THSD7A: variants seen among roughly 807,000 people sequenced by gnomAD.
THSD7A encodes thrombospondin type-1 domain-containing protein 7A.
Under a neutral mutation model 231.3 loss-of-function variants are expected in THSD7A, and 96 were observed. The ratio of observed to expected loss-of-function variants is 0.41; its 90% CI spans 0.35 to 0.49. THSD7A has a LOEUF of 0.49. Ranked by LOEUF, THSD7A falls within the 20% of genes least tolerant of loss-of-function variation. The pLI is 0.05. For synonymous variants in THSD7A, 940 were observed against 743.3 expected, an observed-to-expected ratio of 1.26 and a Z score of -4.30; for missense variants, 2,290 against 2,070.2, an observed-to-expected ratio of 1.11 and a Z score of -2.06.
intron 12 of THSD7A, 76 bp downstream of exon 12, chr7:11,447,154 G>A (rs1583758565): frequency 1.4e-6 from 2 of 1,400,256 alleles, no homozygotes; most frequent in African/African-American, 1.4e-5. Context: ...TACACTGTCA[G>A]AATTCTCTCA....
At chr7:11,509,579 T>C (rs1787703811) in intron 6 of THSD7A, among the ~76,000 whole-genome samples, 1 of 151,890 alleles carries the variant, frequency 6.6e-6, no homozygotes, top group Non-Finnish European at 1.5e-5. Flanking sequence ...ATGTCTGTAA[T>C]CCCAGCACTT....
chr7:11,505,478 C>A (rs1787507952), intron 6 of THSD7A, among the ~76,000 whole-genome samples: 1 of 149,508 alleles, frequency 6.7e-6, no homozygotes. Flanking sequence ...AAGATTTGAA[C>A]AGAAGACAAA....
intron 2 of THSD7A, among the ~76,000 whole-genome samples, chr7:11,619,636 C>G (rs10257284): frequency 0.12 from 17,858 of 151,820 alleles, 1,400 homozygotes; most frequent in African/African-American, 0.23. Context: ...TGTCCAGGCT[C>G]GTCTTCAACT....
chr7:11,466,863 G>T (rs1229078890), intron 9 of THSD7A, among the ~76,000 whole-genome samples: 2 of 151,748 alleles, frequency 1.3e-5, no homozygotes, highest in Non-Finnish European at 2.9e-5. Context: ...ACTTACAGAG[G>T]TTTCCTACCT....
rs77596054 is a variant in THSD7A, at chr7:11,639,008, C to T, written c.191-2047G>A. 9.5e-3 allele frequency among the ~76,000 whole-genome samples: 1,443 copies of T among 152,160 alleles called. 28 individuals carry two copies. The highest frequency in any genetic ancestry group is 0.034 in the African/African-American group (1,391 of 41,504). On this transcript the variant is annotated intron_variant, in intron 1 of 27. Coordinates refer to ENST00000423059, the MANE Select transcript of THSD7A (RefSeq NM_015204.3). Reference sequence around the variant, plus strand: ...ATTCCACACATCCTTGGCATTTATTCCCCATCCCCACTGTGCTTGAACAAA... The same window carrying T: ...ATTCCACACATCCTTGGCATTTATTTCCCATCCCCACTGTGCTTGAACAAA...
chr7:11,486,267 A>G lies in THSD7A; in HGVS notation c.1823-4285T>C, dbSNP rs559270377. Among the ~76,000 whole-genome samples the G allele has an allele frequency of 5.9e-5, 9 of 152,262 alleles. No homozygotes were observed. The South Asian group carries it at 1.4e-3, about 25-fold the overall frequency. On this transcript the variant is annotated intron_variant, in intron 6 of 27. Coordinates refer to ENST00000423059, the MANE Select transcript of THSD7A (RefSeq NM_015204.3). The stretch of plus-strand genomic sequence containing the variant: ...ATTTTGTTTTGGATTGATACACTTT[A>G]TTTTGATTGGATAAGAACTGTTTTG...
intron 19 of THSD7A, among the ~76,000 whole-genome samples, chr7:11,409,522 C>G (rs1783708734): frequency 6.6e-6 from 1 of 152,180 alleles, no homozygotes; most frequent in African/African-American, 2.4e-5. Flanking sequence ...TGTAAGAAAT[C>G]AAGAATTCGG....
At chr7:11,604,435 T>C (rs2128346011) in intron 2 of THSD7A, among the ~76,000 whole-genome samples, 1 of 152,304 alleles carries the variant, frequency 6.6e-6, no homozygotes, top group South Asian at 2.1e-4. Flanking sequence ...ATCCATGTAT[T>C]TGTTTTTAAT....
At chr7:11,764,028 T>C (rs1261946002) in intron 1 of THSD7A, among the ~76,000 whole-genome samples, 4 of 152,218 alleles carry the variant, frequency 2.6e-5, no homozygotes, top group Non-Finnish European at 5.9e-5. Context: ...TTCTCTGTTT[T>C]TCCTTTCTTC....
chr7:11,687,146 T>A (rs1780082663), intron 1 of THSD7A, among the ~76,000 whole-genome samples: 1 of 151,932 alleles, frequency 6.6e-6, no homozygotes, highest in Non-Finnish European at 1.5e-5. Flanking sequence ...CCCAATTACA[T>A]TTGCACTGAG....
At chr7:11,586,812 A>G (rs1779929082) in intron 4 of THSD7A, among the ~76,000 whole-genome samples, 1 of 151,940 alleles carries the variant, frequency 6.6e-6, no homozygotes, top group African/African-American at 2.4e-5. Flanking sequence ...TCAATCATCC[A>G]TCCCTCCGCC....
At chr7:11,829,772 C>T (rs1447000392) in intron 1 of THSD7A, among the ~76,000 whole-genome samples, 1 of 150,442 alleles carries the variant, frequency 6.6e-6, no homozygotes, top group African/African-American at 2.4e-5. Flanking sequence ...AACTCCTTTA[C>T]AGATATATTA....
At chr7:11,729,319 G>A (rs1781648858) in intron 1 of THSD7A, among the ~76,000 whole-genome samples, 2 of 151,772 alleles carry the variant, frequency 1.3e-5, no homozygotes, top group African/African-American at 2.4e-5. Flanking sequence ...AACAAAAGTG[G>A]TGTTTTGTGG....
Position 11,379,645 on chromosome 7 carries a change from G to T in THSD7A, c.4575C>A (p.His1525Gln). ...RSCNPPCSQPHSYCSETKTCH... is the reference protein window; with the variant it reads ...RSCNPPCSQPQSYCSETKTCH... ...TTTCACATACCTCGCTACAGTACGA[G>T]TGGGGTTGACTACACGGTGGGTTAC... Residue 1525 changes from histidine (H) to glutamine (Q), a missense_variant, in exon 25 of 28, where the codon CAC becomes CAA. By Grantham distance (24) the His-to-Gln change is conservative. Transcript: ENST00000423059. The T allele has an allele frequency of 6.3e-7, 1 of 1,586,060 alleles. No homozygotes were observed. Among genetic ancestry groups the T allele is most frequent in the Non-Finnish European group, 8.6e-7 (1 of 1,165,330 alleles).
intron 13 of THSD7A, among the ~76,000 whole-genome samples, chr7:11,437,416 C>CTTT (rs1784667583): frequency 6.6e-6 from 1 of 152,072 alleles, no homozygotes; most frequent in Non-Finnish European, 1.5e-5. Flanking sequence ...GATGCTCTTT[C>CTTT]CTTCTTTCCT....
intron 4 of THSD7A, among the ~76,000 whole-genome samples, chr7:11,565,106 C>T (rs1294524230): frequency 6.6e-6 from 1 of 152,086 alleles, no homozygotes; most frequent in Non-Finnish European, 1.5e-5. Flanking sequence ...CTGAACTCTT[C>T]CAGCATACCG....
intron 6 of THSD7A, among the ~76,000 whole-genome samples, chr7:11,501,747 C>T (rs1787344957): frequency 6.6e-6 from 1 of 152,020 alleles, no homozygotes; most frequent in Non-Finnish European, 1.5e-5. Context: ...CAAATAAACC[C>T]TAAAGCTAGG....
intron 6 of THSD7A, among the ~76,000 whole-genome samples, chr7:11,488,944 C>A (rs1159484985): frequency 6.8e-6 from 1 of 146,364 alleles, no homozygotes; most frequent in East Asian, 2.0e-4. Context: ...ACTCGGTTTT[C>A]TTCCTCTGTG....
intron 1 of THSD7A, among the ~76,000 whole-genome samples, chr7:11,650,048 A>C (rs924467216): frequency 6.6e-6 from 1 of 152,096 alleles, no homozygotes; most frequent in Admixed American, 6.6e-5. Context: ...ACAGCTTTTG[A>C]TATTTCTTAC....
Sources: gnomAD v4.1 joint callset for allele counts (sites outside exome capture counted in the v4.1 genomes callset) on GRCh38, gnomAD v4.1.1 for gene constraint, MANE v1.5 for transcripts, NCBI Gene and HGNC (gene_info 2026-07-23, HGNC 2026-07-21) for gene names.